The following CCDC40 variants were observed in gnomAD, a reference collection of about 807,000 sequenced individuals.
CCDC40 encodes coiled-coil domain-containing protein 40.
A neutral mutation model predicts 124.5 loss-of-function variants in CCDC40; 104 were observed. That is an observed-to-expected ratio of 0.84 (90% CI 0.71 to 0.98). The LOEUF is 0.98. Among genes scored for constraint, CCDC40 ranks in the 50% least tolerant of loss-of-function variants. The pLI, the probability that CCDC40 is intolerant of heterozygous loss-of-function variation, is 0.00. For missense variants in CCDC40, 1,463 were observed against 1,503.9 expected (o/e 0.97, Z 0.45); for synonymous variants, 580 against 602.9 (o/e 0.96, Z 0.56).
intron 7 of CCDC40, among the ~76,000 whole-genome samples, chr17:80,055,671 C>G (rs1457783650): frequency 6.6e-6 from 1 of 151,888 alleles, no homozygotes; most frequent in Non-Finnish European, 1.5e-5. Flanking sequence ...TAAATTTATT[C>G]AACATAATTA....
At chr17:80,085,053 C>A in intron 13 of CCDC40, 65 bp downstream of exon 13, 1 of 1,581,624 alleles carries the variant, frequency 6.3e-7, no homozygotes, top group Non-Finnish European at 8.6e-7. Context: ...GCAGAGCCCC[C>A]TCAGATCCCC....
intron 7 of CCDC40, among the ~76,000 whole-genome samples, chr17:80,057,645 G>A (rs1313670660): frequency 6.6e-6 from 1 of 152,022 alleles, no homozygotes; most frequent in Non-Finnish European, 1.5e-5. Flanking sequence ...GGGAGGCCAA[G>A]GTGGGTGGAT....
intron 7 of CCDC40, among the ~76,000 whole-genome samples, chr17:80,056,994 TCAC>T (rs368777993): frequency 0.014 from 1,928 of 140,812 alleles, 44 homozygotes; most frequent in African/African-American, 0.05. Context: ...TGAGCCGAGA[TCAC>T]CACTGCACTC....
intron 2 of CCDC40, among the ~76,000 whole-genome samples, chr17:80,039,294 G>T (rs983480158): frequency 6.6e-6 from 1 of 152,180 alleles, no homozygotes. Context: ...TTGAACCCAG[G>T]AGGTGGAAGT....
Position 80,050,311 on chromosome 17 carries a change from C to T in CCDC40, c.1159+28C>T, listed in dbSNP as rs775620064. On this transcript the variant is annotated intron_variant, in intron 7 of 19. Coordinates refer to ENST00000397545, the MANE Select transcript of CCDC40 (RefSeq NM_017950.4). ...AAGGCAACCCGGCAGCCCCACACGC[C>T]ATCCGGTCCTGGAGGGTTTCCCAGG... The T allele has an allele frequency of 1.5e-5, 23 of 1,530,890 alleles. No individual in the cohort carries two copies. In the East Asian group the frequency reaches 4.2e-4, roughly 28 times the overall value. The allele number at this position is 1,530,890 out of a possible 1,614,324, so 94.8% of individuals were successfully genotyped here.
intron 7 of CCDC40, among the ~76,000 whole-genome samples, chr17:80,051,649 A>G (rs1469888921): frequency 1.7e-4 from 24 of 140,952 alleles, no homozygotes; most frequent in Non-Finnish European, 2.8e-4. Flanking sequence ...AAAAAAAAAA[A>G]AAAAAGAAAA....
At chr17:80,052,648 G>T (rs570329515) in intron 7 of CCDC40, among the ~76,000 whole-genome samples, 1 of 152,360 alleles carries the variant, frequency 6.6e-6, no homozygotes, top group Admixed American at 6.5e-5. Flanking sequence ...AGGAGACTGA[G>T]CCGGACAGAC....
chr17:80,095,176 G>C (rs570879815), intron 17 of CCDC40, 87 bp from the exon 18 acceptor site: 61 of 1,260,580 alleles, frequency 4.8e-5, no homozygotes, highest in Non-Finnish European at 1.2e-6. Context: ...GTCACCGGAG[G>C]ATGAGCGAGG....
chr17:80,090,575 A>G (rs964783118), intron 17 of CCDC40: 3 of 1,498,156 alleles, frequency 2.0e-6, no homozygotes, highest in African/African-American at 2.8e-5. Flanking sequence ...GTAACCCTCA[A>G]ACTTTGTGAC....
chr17:80,047,252 A>T (rs1277384041), intron 3 of CCDC40, 27 bp from the exon 4 acceptor site: 1 of 1,612,112 alleles, frequency 6.2e-7, no homozygotes, highest in Non-Finnish European at 8.5e-7. Flanking sequence ...AGCCCTGTTG[A>T]CTTAGTTTTG....
chr17:80,084,715 T>A, intron 12 of CCDC40, 28 bp from the exon 13 acceptor site: 1 of 1,613,292 alleles, frequency 6.2e-7, no homozygotes, highest in Non-Finnish European at 8.5e-7. Context: ...GGGGCAATAT[T>A]CACAGGTATT....
At chr17:80,038,857 A>G (rs1334063637) in intron 2 of CCDC40, among the ~76,000 whole-genome samples, 1 of 152,176 alleles carries the variant, frequency 6.6e-6, no homozygotes, top group Non-Finnish European at 1.5e-5. Flanking sequence ...TTAAAAATAA[A>G]TAAATAAAGA....
intron 7 of CCDC40, among the ~76,000 whole-genome samples, chr17:80,051,769 C>T (rs2037604356): frequency 6.6e-6 from 1 of 152,082 alleles, no homozygotes; most frequent in Non-Finnish European, 1.5e-5. Flanking sequence ...ACCAAATTTA[C>T]ACCCACCTGA....
intron 10 of CCDC40, among the ~76,000 whole-genome samples, chr17:80,065,850 A>C (rs1432989046): frequency 6.6e-6 from 1 of 152,232 alleles, no homozygotes; most frequent in Admixed American, 6.5e-5. Context: ...ATTTCCTGGC[A>C]GGATTAAGTA....
intron 1 of CCDC40, 36 bp downstream of exon 1, chr17:80,036,727 G>T: frequency 6.9e-7 from 1 of 1,458,808 alleles, no homozygotes; most frequent in Non-Finnish European, 9.0e-7. Context: ...TCTTGGAGTC[G>T]CCAGGCCGCG....
chr17:80,068,329 G>A (rs1334358870), intron 10 of CCDC40, among the ~76,000 whole-genome samples: 1 of 152,118 alleles, frequency 6.6e-6, no homozygotes, highest in African/African-American at 2.4e-5. Flanking sequence ...CACTGCGCCC[G>A]GCCAGTCTTT....
In CCDC40 at chr17:80,081,989, G is replaced by A. The variant is rs761326871; in HGVS notation, c.1920G>A (p.Met640Ile). The A allele has an allele frequency of 3.7e-6, 6 of 1,613,856 alleles. No individual in the cohort carries two copies. The Admixed American group carries it at 6.7e-5, about 18-fold the overall frequency. ...AAIREKLQEH[M>I]TSNKTTKYFN... ...TCCGGGAGAAGCTGCAGGAGCACAT[G>A]ACCTCCAACAAGACCACCAAATACT... The change falls in exon 12 of 20, where the codon ATG becomes ATA. Residue 640 changes from methionine to isoleucine, a missense_variant. Transcript: ENST00000397545.
intron 10 of CCDC40, chr17:80,067,889 C>A (rs918141930): frequency 8.1e-6 from 11 of 1,364,246 alleles, no homozygotes; most frequent in Non-Finnish European, 1.0e-5. Context: ...TTTTATAAAA[C>A]GTGCATGCGC....
chr17:80,063,146 G>C (rs1197240261), intron 9 of CCDC40, among the ~76,000 whole-genome samples: 1 of 152,024 alleles, frequency 6.6e-6, no homozygotes, highest in East Asian at 1.9e-4. Flanking sequence ...AGTGAGCCAA[G>C]ATCGTGCCAT....
Sources: gnomAD v4.1 joint callset for allele counts (sites outside exome capture counted in the v4.1 genomes callset) on GRCh38, gnomAD v4.1.1 for gene constraint, MANE v1.5 for transcripts, NCBI Gene and HGNC (gene_info 2026-07-23, HGNC 2026-07-21) for gene names.